Variants in PACRG observed in about 807,000 individuals in gnomAD.
PACRG encodes parkin coregulated gene protein.
In PACRG, 29 loss-of-function variants were observed where a neutral mutation model predicts 29.7. The ratio of observed to expected loss-of-function variants is 0.98; its 90% confidence interval spans 0.73 to 1.33. PACRG has a LOEUF of 1.33. Ranked by LOEUF, PACRG falls within the 40% of genes most tolerant of loss-of-function variation. PACRG has a pLI of 0.00. For missense variants in PACRG, 279 were observed against 316.2 expected (o/e 0.88, Z 0.89); for synonymous variants, 116 against 118.7 (o/e 0.98, Z 0.15).
At chr6:162,728,996 A>G (rs143375980) in intron 1 of PACRG, among the ~76,000 whole-genome samples, 2 of 152,304 alleles carry the variant, frequency 1.3e-5, no homozygotes, top group East Asian at 3.9e-4. Flanking sequence ...TAAACAATAC[A>G]AGCTTTAGCT....
chr6:163,238,197 C>T (rs963917161), intron 4 of PACRG, among the ~76,000 whole-genome samples: 1 of 152,034 alleles, frequency 6.6e-6, no homozygotes, highest in African/African-American at 2.4e-5. Flanking sequence ...GTGTCATATT[C>T]CTATTATTTA....
At chr6:163,300,750 T>G (rs1441666167) in intron 4 of PACRG, among the ~76,000 whole-genome samples, 1 of 152,270 alleles carries the variant, frequency 6.6e-6, no homozygotes, top group East Asian at 1.9e-4. Flanking sequence ...AATGACCTTT[T>G]TGTGGCTTAA....
intron 1 of PACRG, among the ~76,000 whole-genome samples, chr6:162,747,717 G>A (rs933175965): frequency 5.9e-5 from 9 of 151,670 alleles, no homozygotes; most frequent in Admixed American, 3.9e-4. Flanking sequence ...CCAAGACAGA[G>A]GAGACAGTTT....
intron 4 of PACRG, chr6:163,179,393 TTA>T: frequency 6.8e-6 from 1 of 148,098 alleles, no homozygotes; most frequent in Non-Finnish European, 1.4e-5. Context: ...GTTCTTTAAA[TTA>T]AAAAAAAAAA....
At chr6:163,290,278 GCACACACACACACACACACA>G (rs3064946) in intron 4 of PACRG, among the ~76,000 whole-genome samples, 7 of 114,496 alleles carry the variant, frequency 6.1e-5, no homozygotes, top group South Asian at 2.9e-4. Flanking sequence ...GCGCGCGCGC[GCACACACACACACACACACA>G]CACACACACA....
chr6:163,112,001 T>C (rs1228610452), intron 4 of PACRG: 1 of 913,552 alleles, frequency 1.1e-6, no homozygotes, highest in Non-Finnish European at 1.3e-6. Context: ...ATAATCTAGG[T>C]TTTCACTTGA....
intron 4 of PACRG, among the ~76,000 whole-genome samples, chr6:163,314,330 A>G (rs1785560726): frequency 6.6e-6 from 1 of 152,224 alleles, no homozygotes; most frequent in Non-Finnish European, 1.5e-5. Context: ...AAGGAACTGA[A>G]CACTTGGATT....
At chr6:162,897,304 T>C (rs969766397) in intron 2 of PACRG, among the ~76,000 whole-genome samples, 6 of 152,212 alleles carry the variant, frequency 3.9e-5, no homozygotes, top group Non-Finnish European at 8.8e-5. Flanking sequence ...GGATTATCTT[T>C]CTGCTTTTTT....
rs148696936 is a variant in PACRG, at chr6:163,180,433, CTATAATAAA to C, written c.613+91028_613+91036del. On this transcript the variant is annotated intron_variant, in intron 4 of 4. Coordinates refer to ENST00000366888, the MANE Select transcript of PACRG (RefSeq NM_001080379.2). ...GGTTGTTACATAGATTATCATACAC[CTATAATAAA>C]TAGAGTATGGAAAACACTGCTAAAA... 8.9e-3 allele frequency among the ~76,000 whole-genome samples: 1,348 copies of C among 152,192 alleles called. 19 individuals carry two copies. The highest frequency in any genetic ancestry group is 0.031 in the African/African-American group (1,302 of 41,534).
At chr6:163,124,482 G>A (rs914831753) in intron 4 of PACRG, among the ~76,000 whole-genome samples, 1 of 152,158 alleles carries the variant, frequency 6.6e-6, no homozygotes, top group Non-Finnish European at 1.5e-5. Context: ...CCTTGGGCAC[G>A]TGAACAAAAG....
chr6:162,832,813 C>CT lies in PACRG; in HGVS notation c.291+18545dup, dbSNP rs11310965. Among the ~76,000 whole-genome samples, 580 of 144,310 alleles carry CT rather than the reference C, an allele frequency of 4.0e-3. 3 individuals carry two copies. Among genetic ancestry groups the CT allele is most frequent in the East Asian group, 7.4e-3 (36 of 4,896 alleles). 94.7% of individuals were successfully genotyped at this position (144,310 alleles called of 152,430 possible). A position where few individuals can be genotyped will look rare whatever the true frequency, so the allele number is the denominator to read the frequency against. On this transcript the variant is annotated intron_variant, in intron 2 of 4. Coordinates refer to ENST00000366888, the MANE Select transcript of PACRG (RefSeq NM_001080379.2). ...TCTAGCTTCTGCACATAAAAGCAGTCTTTTTTTTTTTTTCATTTTTTTGCC... is the reference window on the plus strand; with the variant it reads ...TCTAGCTTCTGCACATAAAAGCAGTCTTTTTTTTTTTTTTCATTTTTTTGCC...
intron 4 of PACRG, among the ~76,000 whole-genome samples, chr6:163,197,948 C>A (rs982596410): frequency 1.3e-5 from 2 of 152,172 alleles, no homozygotes; most frequent in African/African-American, 2.4e-5. Flanking sequence ...TGATGTAAAC[C>A]ACTTGAAACT....
chr6:162,832,862 A>T (rs1467079986), intron 2 of PACRG, among the ~76,000 whole-genome samples: 5 of 151,890 alleles, frequency 3.3e-5, no homozygotes, highest in African/African-American at 1.2e-4. Context: ...TTCCAAATAA[A>T]CTATTATATT....
intron 4 of PACRG, among the ~76,000 whole-genome samples, chr6:163,115,428 C>T (rs551834470): frequency 2.6e-5 from 4 of 152,100 alleles, no homozygotes; most frequent in Non-Finnish European, 5.9e-5. Flanking sequence ...ATGTTTCTTA[C>T]TTAATCAGAA....
At chr6:162,922,860 C>T (rs1182047415) in intron 2 of PACRG, among the ~76,000 whole-genome samples, 1 of 152,134 alleles carries the variant, frequency 6.6e-6, no homozygotes, top group Admixed American at 6.6e-5. Context: ...GAATATGCTG[C>T]AATAAATACA....
intron 4 of PACRG, chr6:163,190,540 C>G (rs1780162322): frequency 6.5e-6 from 1 of 153,936 alleles, no homozygotes; most frequent in Non-Finnish European, 1.4e-5. Context: ...AAGGGACTTT[C>G]AAGAATGGGC....
At chr6:163,269,976 AAAGAAAG>A (rs1783753437) in intron 4 of PACRG, among the ~76,000 whole-genome samples, 1 of 104,606 alleles carries the variant, frequency 9.6e-6, no homozygotes, top group Non-Finnish European at 2.0e-5. Context: ...AGAAAGAAAG[AAAGAAAG>A]AAAGAAAGAA....
At chr6:162,956,156 G>T (rs927740513) in intron 2 of PACRG, among the ~76,000 whole-genome samples, 3 of 152,198 alleles carry the variant, frequency 2.0e-5, no homozygotes, top group Non-Finnish European at 4.4e-5. Flanking sequence ...CAGTTAAATA[G>T]TCGGGAATAT....
At chr6:162,730,365 G>A (rs961547189) in intron 1 of PACRG, among the ~76,000 whole-genome samples, 2 of 151,982 alleles carry the variant, frequency 1.3e-5, no homozygotes, top group Non-Finnish European at 2.9e-5. Context: ...TTTGATTCAG[G>A]ACGTGTATGC....
Sources: gnomAD v4.1 joint callset for allele counts (sites outside exome capture counted in the v4.1 genomes callset) on GRCh38, gnomAD v4.1.1 for gene constraint, MANE v1.5 for transcripts, NCBI Gene and HGNC (gene_info 2026-07-23, HGNC 2026-07-21) for gene names.